CACNA2D3: variants seen among roughly 807,000 people sequenced by gnomAD.
CACNA2D3 encodes voltage-dependent calcium channel subunit alpha-2/delta-3.
Under a neutral mutation model 160.6 loss-of-function variants are expected in CACNA2D3, and 60 were observed. That is an observed-to-expected ratio of 0.37 (90% CI 0.30 to 0.46). CACNA2D3 has a LOEUF of 0.46. Ranked by LOEUF, CACNA2D3 falls within the 20% of genes least tolerant of loss-of-function variation. The pLI is 1.00. For synonymous variants in CACNA2D3, 558 were observed against 492.9 expected (o/e 1.13, Z -1.75); for missense variants, 1,205 against 1,365.0 (o/e 0.88, Z 1.85).
intron 24 of CACNA2D3, among the ~76,000 whole-genome samples, chr3:54,888,324 G>C (rs1012614677): frequency 3.3e-5 from 5 of 152,260 alleles, no homozygotes; most frequent in Non-Finnish European, 7.3e-5. Flanking sequence ...AGAGGGAGGC[G>C]GAAGGGAACT....
chr3:54,664,640 T>G lies in CACNA2D3; in HGVS notation c.1167+22399T>G, dbSNP rs1700031041. Among the ~76,000 whole-genome samples the G allele has an allele frequency of 5.3e-5, 8 of 152,346 alleles. No individual in the cohort carries two copies. In the South Asian group the frequency reaches 1.7e-3, roughly 32 times the overall value. On this transcript the variant is annotated intron_variant, in intron 11 of 37. Coordinates refer to ENST00000474759, the MANE Select transcript of CACNA2D3 (RefSeq NM_018398.3). ...GAAAAATGTCTTTGTTCCATCATAT[T>G]TTTCCCTTTCTTTTCACAAACTTGA...
intron 10 of CACNA2D3, among the ~76,000 whole-genome samples, chr3:54,631,804 A>G (rs9851622): frequency 0.011 from 1,669 of 152,368 alleles, 24 homozygotes; most frequent in African/African-American, 0.038. Flanking sequence ...CAAGTTTGCT[A>G]CAGTAGTTAG....
chr3:54,217,353 C>T (rs1701481467), intron 2 of CACNA2D3, among the ~76,000 whole-genome samples: 1 of 152,166 alleles, frequency 6.6e-6, no homozygotes, highest in Admixed American at 6.5e-5. Context: ...GCCTCCCACC[C>T]TGCCCTGGGC....
chr3:54,858,715 C>G (rs78620921), intron 17 of CACNA2D3, among the ~76,000 whole-genome samples: 1 of 152,046 alleles, frequency 6.6e-6, no homozygotes, highest in Non-Finnish European at 1.5e-5. Context: ...TGGACTTGAC[C>G]GAGAGATAAC....
intron 35 of CACNA2D3, among the ~76,000 whole-genome samples, chr3:55,033,811 T>TAC (rs1703743781): frequency 1.3e-5 from 1 of 74,140 alleles, no homozygotes; most frequent in Non-Finnish European, 2.8e-5. Context: ...TAATATGTAT[T>TAC]ATATATTAAA....
chr3:54,563,839 G>A (rs777398687), intron 6 of CACNA2D3, among the ~76,000 whole-genome samples: 2 of 152,254 alleles, frequency 1.3e-5, no homozygotes, highest in South Asian at 2.1e-4. Flanking sequence ...TCTGCCTTGC[G>A]GAGCTGTTTG....
chr3:54,828,576 TAAC>T (rs1703794876), intron 14 of CACNA2D3, among the ~76,000 whole-genome samples: 1 of 152,168 alleles, frequency 6.6e-6, no homozygotes, highest in African/African-American at 2.4e-5. Flanking sequence ...TCCCGAATAA[TAAC>T]AATTTTATTA....
At chr3:54,705,959 C>T (rs576076511) in intron 11 of CACNA2D3, among the ~76,000 whole-genome samples, 151 of 152,288 alleles carry the variant, frequency 9.9e-4, no homozygotes, top group Admixed American at 2.9e-3. Context: ...GTATAGTTCT[C>T]ATAAAACAAT....
intron 2 of CACNA2D3, among the ~76,000 whole-genome samples, chr3:54,191,393 ATC>A (rs1391383904): frequency 2.1e-4 from 20 of 95,652 alleles, no homozygotes; most frequent in African/African-American, 8.6e-4. Flanking sequence ...CTTTTAAAAC[ATC>A]AACATCATCA....
intron 27 of CACNA2D3, among the ~76,000 whole-genome samples, chr3:54,961,826 G>A (rs2107048778): frequency 6.6e-6 from 1 of 152,248 alleles, no homozygotes; most frequent in Non-Finnish European, 1.5e-5. Context: ...TAACAGAGTG[G>A]TAGAAGCCGG....
chr3:54,766,229 T>C (rs1483986647), intron 13 of CACNA2D3, among the ~76,000 whole-genome samples: 1 of 152,106 alleles, frequency 6.6e-6, no homozygotes, highest in Non-Finnish European at 1.5e-5. Context: ...TGACACATAG[T>C]ACACATGAAG....
At chr3:54,251,940 G>A (rs1223607606) in intron 2 of CACNA2D3, among the ~76,000 whole-genome samples, 1 of 152,086 alleles carries the variant, frequency 6.6e-6, no homozygotes, top group Non-Finnish European at 1.5e-5. Context: ...GTTCCAGCTT[G>A]CCTGTTGAAA....
At position 54,752,588 on chromosome 3, in the gene CACNA2D3, C is replaced by T. The variant is rs368189380; in HGVS notation, c.1168-11C>T. On this transcript the variant is annotated splice_polypyrimidine_tract_variant and intron_variant, in intron 11 of 37. Coordinates refer to ENST00000474759, the MANE Select transcript of CACNA2D3 (RefSeq NM_018398.3). Reference sequence around the variant, plus strand: ...GAATGCCGCTCAGCCATGCGTTTGTCTTCCCTTCAGGTTCGCATCTTCACA... The same window carrying T: ...GAATGCCGCTCAGCCATGCGTTTGTTTTCCCTTCAGGTTCGCATCTTCACA... 9.4e-5 allele frequency: 152 copies of T among 1,610,256 alleles called. 1 individual carries two copies. Among genetic ancestry groups the T allele is most frequent in the South Asian group, 7.2e-4 (65 of 90,486 alleles).
chr3:54,557,839 C>T (rs1702263831), intron 5 of CACNA2D3, among the ~76,000 whole-genome samples: 1 of 152,162 alleles, frequency 6.6e-6, no homozygotes, highest in Non-Finnish European at 1.5e-5. Flanking sequence ...TTCACACCCC[C>T]AGGCTATGAT....
At chr3:54,974,836 C>G (rs1702349688) in intron 29 of CACNA2D3, among the ~76,000 whole-genome samples, 1 of 152,130 alleles carries the variant, frequency 6.6e-6, no homozygotes, top group Non-Finnish European at 1.5e-5. Flanking sequence ...TTAGTGCACC[C>G]TTGGGGCAGG....
intron 2 of CACNA2D3, among the ~76,000 whole-genome samples, chr3:54,259,450 TCA>T (rs1312470535): frequency 6.6e-6 from 1 of 152,062 alleles, no homozygotes; most frequent in African/African-American, 2.4e-5. Context: ...AAAAAAACCC[TCA>T]AAAAAAGAAA....
At chr3:54,872,340 A>G (rs1699554136) in intron 18 of CACNA2D3, among the ~76,000 whole-genome samples, 1 of 152,108 alleles carries the variant, frequency 6.6e-6, no homozygotes, top group African/African-American at 2.4e-5. Context: ...ACTCTCCTTA[A>G]TTAAATCATA....
intron 35 of CACNA2D3, among the ~76,000 whole-genome samples, chr3:55,046,024 A>G (rs534735847): frequency 6.6e-6 from 1 of 152,000 alleles, no homozygotes; most frequent in Non-Finnish European, 1.5e-5. Context: ...ATTTAATATT[A>G]GAAATTTTCT....
At chr3:54,292,475 A>T (rs992126237) in intron 2 of CACNA2D3, among the ~76,000 whole-genome samples, 2 of 152,210 alleles carry the variant, frequency 1.3e-5, no homozygotes, top group African/African-American at 2.4e-5. Flanking sequence ...CTTACAGCTC[A>T]ATAATAAAAA....
Sources: gnomAD v4.1 joint callset for allele counts (sites outside exome capture counted in the v4.1 genomes callset) on GRCh38, gnomAD v4.1.1 for gene constraint, MANE v1.5 for transcripts, NCBI Gene and HGNC (gene_info 2026-07-23, HGNC 2026-07-21) for gene names.